The following PCDHGA9 variants were observed in gnomAD, a reference collection of about 807,000 sequenced individuals.
PCDHGA9 encodes the protein protocadherin gamma-A9.
A neutral mutation model predicts 62.5 loss-of-function variants in PCDHGA9; 37 were observed. The observed-to-expected ratio is 0.59, with a 90% CI of 0.46 to 0.78. The LOEUF (loss-of-function observed/expected upper bound fraction) is 0.78. Ranked by LOEUF, PCDHGA9 falls within the 30% of genes least tolerant of loss-of-function variation. The pLI, the probability that PCDHGA9 is intolerant of heterozygous loss-of-function variation, is 0.00. For synonymous variants in PCDHGA9, 459 were observed against 484.6 expected (o/e 0.95, Z 0.69); for missense variants, 1,138 against 1,166.2 (o/e 0.98, Z 0.35).
At chr5:141,453,919 C>T (rs142719452) in intron 1 of PCDHGA9, among the ~76,000 whole-genome samples, 2 of 152,318 alleles carry the variant, frequency 1.3e-5, no homozygotes, top group African/African-American at 4.8e-5. Flanking sequence ...TGTCAGTGAT[C>T]AGTCACTGTG....
intron 1 of PCDHGA9, among the ~76,000 whole-genome samples, chr5:141,407,652 A>G (rs2094964200): frequency 6.6e-6 from 1 of 152,020 alleles, no homozygotes; most frequent in Non-Finnish European, 1.5e-5. Flanking sequence ...ATAATGGGGG[A>G]GCGCAGTATA....
Position 141,511,253 on chromosome 5 carries a change from A to G in PCDHGA9, c.*80A>G. The G allele has an allele frequency of 1.3e-6, 2 of 1,568,402 alleles. No homozygotes were observed. The highest frequency in any genetic ancestry group is 1.7e-6 in the Non-Finnish European group (2 of 1,157,066). On this transcript the variant is annotated 3_prime_UTR_variant, in exon 4 of 4. Coordinates refer to ENST00000573521, the MANE Select transcript of PCDHGA9 (RefSeq NM_018921.3). ...CTCCTTACCTGCACCCAGGCCTCAG[A>G]GTTTCAGGGCTAACCCCCAGAATAC...
chr5:141,469,918 G>T (rs2099215604), intron 1 of PCDHGA9, among the ~76,000 whole-genome samples: 2 of 152,148 alleles, frequency 1.3e-5, no homozygotes, highest in African/African-American at 4.8e-5. Context: ...ACCACCCGAG[G>T]TCAGGAGTTT....
At chr5:141,443,874 A>G (rs2098409122) in intron 1 of PCDHGA9, among the ~76,000 whole-genome samples, 1 of 152,190 alleles carries the variant, frequency 6.6e-6, no homozygotes, top group Non-Finnish European at 1.5e-5. Flanking sequence ...AATTACTGAT[A>G]AGTCAAGAGA....
Position 141,404,914 on chromosome 5 carries a change from C to T in PCDHGA9, c.1962C>T (p.Leu654=), listed in dbSNP as rs1423848318. ...VAVQDHGQPP[L]SATVTLTVAI... is the part of the protein sequence containing the mutation. ...TACAGGACCATGGCCAGCCCCCTCT[C>T]TCGGCCACTGTCACGCTCACAGTAG... The change falls in exon 1 of 4, where the codon CTC becomes CTT. Residue 654 remains leucine, a synonymous_variant. Coordinates refer to ENST00000573521, the MANE Select transcript of PCDHGA9 (RefSeq NM_018921.3). 1.2e-6 allele frequency: 2 copies of T among 1,613,948 alleles called. No individual in the cohort carries two copies. Among genetic ancestry groups the T allele is most frequent in the Non-Finnish European group, 1.7e-6 (2 of 1,179,884 alleles).
rs199965876 is a variant in PCDHGA9, at chr5:141,419,464, C to G, written c.2424+14088C>G. ...CCTTCGAGCTCACGCTGCAGGCCCG[C>G]GACCAGGGCTCGCCCGCGCTCAGCG... On this transcript the variant is annotated intron_variant, in intron 1 of 3. Transcript: ENST00000573521. 4 of 1,612,542 alleles carry G rather than the reference C, an allele frequency of 2.5e-6. No homozygotes were observed. In the Admixed American group the frequency reaches 6.7e-5, roughly 27 times the overall value.
rs1188549930 is a variant in PCDHGA9 at position 141,403,075 on chromosome 5, G to A, written c.123G>A (p.Lys41=). 3.1e-6 allele frequency: 5 copies of A among 1,613,968 alleles called. No homozygotes were observed. The highest frequency in any genetic ancestry group is 4.2e-6 in the Non-Finnish European group (5 of 1,179,924). Residue 41 remains lysine, a synonymous_variant, in exon 1 of 4, where the codon AAG becomes AAA. Transcript: ENST00000573521. The part of the protein sequence containing the change: ...IRYSVPEETE[K]GYIVGNISKD... ...ACTCAGTGCCTGAAGAGACAGAAAA[G>A]GGCTATATTGTGGGCAACATCTCCA...
intron 1 of PCDHGA9, chr5:141,426,985 A>G (rs534298238): frequency 7.7e-5 from 35 of 456,646 alleles, no homozygotes; most frequent in Non-Finnish European, 1.3e-4. Context: ...ACTGATGCCA[A>G]CGATAATGCC....
At chr5:141,423,712 T>C (rs1231796741) in intron 1 of PCDHGA9, 2 of 1,313,518 alleles carry the variant, frequency 1.5e-6, no homozygotes, top group Admixed American at 3.2e-5. Flanking sequence ...CACAAGTCTT[T>C]TAAGGAGATG....
chr5:141,459,171 A>G (rs2098962477), intron 1 of PCDHGA9, among the ~76,000 whole-genome samples: 1 of 152,180 alleles, frequency 6.6e-6, no homozygotes, highest in Non-Finnish European at 1.5e-5. Flanking sequence ...ATAACCTTCA[A>G]AAGTTCCCTC....
At chr5:141,509,823 TTCTC>T (rs2099878456) in intron 3 of PCDHGA9, among the ~76,000 whole-genome samples, 1 of 152,170 alleles carries the variant, frequency 6.6e-6, no homozygotes, top group Non-Finnish European at 1.5e-5. Flanking sequence ...CTTCTCCATC[TTCTC>T]TCTACCTCCC....
chr5:141,454,128 C>T (rs988254902), intron 1 of PCDHGA9, among the ~76,000 whole-genome samples: 4 of 152,122 alleles, frequency 2.6e-5, no homozygotes, highest in African/African-American at 7.2e-5. Flanking sequence ...AATAGCTGAC[C>T]ATGGGAATGT....
At chr5:141,451,198 C>T (rs1415589731) in intron 1 of PCDHGA9, among the ~76,000 whole-genome samples, 1 of 152,114 alleles carries the variant, frequency 6.6e-6, no homozygotes, top group Non-Finnish European at 1.5e-5. Context: ...AACAAATTAT[C>T]CCAAAACTTA....
intron 2 of PCDHGA9, 36 bp from the exon 3 acceptor site, chr5:141,505,357 T>A (rs1026098450): frequency 6.2e-7 from 1 of 1,613,762 alleles, no homozygotes; most frequent in African/African-American, 1.3e-5. Context: ...TGTGCCGGCC[T>A]GGGAGTCTGT....
At chr5:141,496,289 G>A (rs1347634489) in intron 2 of PCDHGA9, among the ~76,000 whole-genome samples, 3 of 152,224 alleles carry the variant, frequency 2.0e-5, no homozygotes, top group Non-Finnish European at 4.4e-5. Flanking sequence ...GGTCTGAGCA[G>A]AGTGGGATAG....
At chr5:141,443,447 C>T (rs1267862519) in intron 1 of PCDHGA9, among the ~76,000 whole-genome samples, 1 of 152,184 alleles carries the variant, frequency 6.6e-6, no homozygotes, top group African/African-American at 2.4e-5. Flanking sequence ...GGTTGCGCTC[C>T]TGTACTCCAG....
At chr5:141,460,616 TAGAC>T (rs533223594) in intron 1 of PCDHGA9, among the ~76,000 whole-genome samples, 44 of 152,232 alleles carry the variant, frequency 2.9e-4, no homozygotes, top group Middle Eastern at 3.4e-3. Context: ...GATGGATAGA[TAGAC>T]AGATACAGAT....
At position 141,512,630 on chromosome 5, in the gene PCDHGA9, G is replaced by C. The variant is rs1335322474; in HGVS notation, c.*1457G>C. On this transcript the variant is annotated 3_prime_UTR_variant, in exon 4 of 4. Transcript: ENST00000573521. ...GGGGCTGCCAGAGAACCCCAGACCT[G>C]CCCTTACAGTAGTGTAGCGCCCCCT... The C allele has an allele frequency of 6.5e-6, 1 of 152,888 alleles. No individual in the cohort carries two copies. Among genetic ancestry groups the C allele is most frequent in the Non-Finnish European group, 1.5e-5 (1 of 68,576 alleles). 9.5% of individuals were successfully genotyped at this position (152,888 alleles called of 1,614,324 possible).
intron 1 of PCDHGA9, chr5:141,419,502 T>C: frequency 6.2e-7 from 1 of 1,612,388 alleles, no homozygotes; most frequent in Admixed American, 1.7e-5. Context: ...AATGTGAGCC[T>C]GCGCGTGTTG....
Sources: gnomAD v4.1 joint callset for allele counts (sites outside exome capture counted in the v4.1 genomes callset) on GRCh38, gnomAD v4.1.1 for gene constraint, MANE v1.5 for transcripts, NCBI Gene and HGNC (gene_info 2026-07-23, HGNC 2026-07-21) for gene names.